S100Z: variants seen among roughly 807,000 people sequenced by gnomAD.
S100Z encodes the protein S100 calcium binding protein Z, also known as protein S100-Z.
In S100Z, 11 loss-of-function variants were observed where a neutral mutation model predicts 8.5. The ratio of observed to expected loss-of-function variants is 1.30; its 90% CI spans 0.82 to 2.15. S100Z has a LOEUF of 2.15. Ranked by LOEUF, S100Z falls within the 30% of genes most tolerant of loss-of-function variation. The probability of loss-of-function intolerance (pLI) is 0.00; values close to 1 mark genes in which losing one functional copy is unlikely to be tolerated. For missense variants in S100Z, 126 were observed against 117.9 expected (o/e 1.07, Z -0.32); for synonymous variants, 34 against 43.8 (o/e 0.78, Z 0.89).
chr5:76,857,498 A>ATTTT (rs11317478), intron 1 of S100Z, among the ~76,000 whole-genome samples: 1 of 125,320 alleles, frequency 8.0e-6, no homozygotes, highest in Non-Finnish European at 1.7e-5. Flanking sequence ...TCCTGCCCCC[A>ATTTT]TTTTTTTTTT....
At chr5:76,913,448 C>T (rs1252225932) in intron 4 of S100Z, among the ~76,000 whole-genome samples, 1 of 152,166 alleles carries the variant, frequency 6.6e-6, no homozygotes, top group East Asian at 1.9e-4. Flanking sequence ...TGTTTGCACT[C>T]AGACAAACAG....
At chr5:76,885,505 T>G (rs369037589) in intron 4 of S100Z, among the ~76,000 whole-genome samples, 142 of 10,462 alleles carry the variant, frequency 0.014, 1 homozygote, top group African/African-American at 0.034. Flanking sequence ...TAGGAACGGG[T>G]TGGGAGGTGC....
chr5:76,863,724 G>A lies in S100Z; in HGVS notation c.-175-6442G>A, dbSNP rs1380739119. 2.6e-5 allele frequency among the ~76,000 whole-genome samples: 4 copies of A among 151,884 alleles called. No individual in the cohort carries two copies. The South Asian group carries it at 6.2e-4, about 24-fold the overall frequency. ...CAGCTAATTTTTTGTATTTTTAGTA[G>A]AGACGGGGTTTCACCGTGTTAGCCA... On this transcript the variant is annotated intron_variant, in intron 1 of 4. Coordinates refer to ENST00000317593, the MANE Select transcript of S100Z (RefSeq NM_130772.4).
intron 4 of S100Z, among the ~76,000 whole-genome samples, chr5:76,883,183 G>A (rs1743476433): frequency 6.6e-6 from 1 of 152,118 alleles, no homozygotes; most frequent in Non-Finnish European, 1.5e-5. Flanking sequence ...ATGGTAAGGG[G>A]TGCATCATTT....
At chr5:76,917,557 G>A (rs543411268) in intron 4 of S100Z, among the ~76,000 whole-genome samples, 6 of 152,314 alleles carry the variant, frequency 3.9e-5, no homozygotes, top group South Asian at 2.1e-4. Flanking sequence ...GCCTGGCACA[G>A]TGGTTCACAC....
intron 4 of S100Z, among the ~76,000 whole-genome samples, chr5:76,901,907 G>T (rs924244173): frequency 2.0e-5 from 3 of 152,142 alleles, no homozygotes; most frequent in African/African-American, 7.2e-5. Context: ...GGGCCCAAGG[G>T]CTCTTTAGTT....
chr5:76,905,156 A>G (rs1359783576), intron 4 of S100Z, among the ~76,000 whole-genome samples: 1 of 152,156 alleles, frequency 6.6e-6, no homozygotes, highest in Admixed American at 6.5e-5. Context: ...TAAGATGTCA[A>G]TAGTACCAAG....
intron 1 of S100Z, among the ~76,000 whole-genome samples, chr5:76,859,768 C>CAAGAAAAAAAA (rs1750998031): frequency 1.0e-5 from 1 of 97,664 alleles, no homozygotes; most frequent in Non-Finnish European, 2.0e-5. Context: ...GCAACAGAGC[C>CAAGAAAAAAAA]AAAAAAAAAA....
intron 4 of S100Z, among the ~76,000 whole-genome samples, chr5:76,895,409 A>G (rs1326781151): frequency 6.6e-6 from 1 of 152,126 alleles, no homozygotes; most frequent in Non-Finnish European, 1.5e-5. Flanking sequence ...AAATGATAGA[A>G]ATTTGGTCAT....
the S100Z span, among the ~76,000 whole-genome samples, chr5:76,935,970 T>A: frequency 2.0e-5 from 3 of 152,114 alleles, no homozygotes; most frequent in African/African-American, 7.2e-5. Flanking sequence ...AGAGATGGGG[T>A]TTCACCATGT....
At chr5:76,911,537 G>C (rs1744660486) in intron 4 of S100Z, among the ~76,000 whole-genome samples, 1 of 152,204 alleles carries the variant, frequency 6.6e-6, no homozygotes, top group Non-Finnish European at 1.5e-5. Context: ...CTTGCCCCAA[G>C]GGTTTAGGGA....
chr5:76,850,351 A>G (rs1278097200), intron 1 of S100Z, among the ~76,000 whole-genome samples, 196 bp downstream of exon 1: 3 of 147,106 alleles, frequency 2.0e-5, no homozygotes, highest in Admixed American at 7.0e-5. Context: ...AGAGAGAGAG[A>G]GAGAGAGGGA....
intron 4 of S100Z, among the ~76,000 whole-genome samples, chr5:76,906,641 G>GT (rs70982662): frequency 0.53 from 79,294 of 149,042 alleles, 22,673 homozygotes; most frequent in Non-Finnish European, 0.65. Flanking sequence ...TTTGTTTTTT[G>GT]TTTTTTTTTG....
chr5:76,917,127 A>G (rs2150686361), intron 4 of S100Z, among the ~76,000 whole-genome samples: 2 of 150,384 alleles, frequency 1.3e-5, no homozygotes, highest in African/African-American at 4.9e-5. Flanking sequence ...CTGTCTCAAA[A>G]AAAAAAAAAA....
intron 2 of S100Z, among the ~76,000 whole-genome samples, chr5:76,874,901 T>C (rs1173452625): frequency 6.6e-6 from 1 of 152,078 alleles, no homozygotes; most frequent in Non-Finnish European, 1.5e-5. Context: ...TTTTTTTTTT[T>C]TGAGACGGCG....
chr5:76,911,363 C>T (rs1744651839), intron 4 of S100Z, among the ~76,000 whole-genome samples: 1 of 152,138 alleles, frequency 6.6e-6, no homozygotes, highest in African/African-American at 2.4e-5. Context: ...TCCAGTTGTA[C>T]CCAACCCCTA....
chr5:76,877,134 T>A (rs1743218317), intron 3 of S100Z, among the ~76,000 whole-genome samples: 1 of 152,198 alleles, frequency 6.6e-6, no homozygotes, highest in Non-Finnish European at 1.5e-5. Flanking sequence ...AAATTCAAAT[T>A]TAACTAGGTA....
chr5:76,910,518 A>T (rs1744613795), intron 4 of S100Z, among the ~76,000 whole-genome samples: 1 of 152,208 alleles, frequency 6.6e-6, no homozygotes, highest in African/African-American at 2.4e-5. Context: ...ATGGCTTGTT[A>T]TCAGTGTGGT....
chr5:76,903,764 T>C (rs1179240958), intron 4 of S100Z, among the ~76,000 whole-genome samples: 3 of 151,848 alleles, frequency 2.0e-5, no homozygotes, highest in Non-Finnish European at 4.4e-5. Context: ...CTCACTCTGT[T>C]GCCCAGGCTG....
Sources: allele counts gnomAD v4.1 joint callset (sites outside exome capture counted in the v4.1 genomes callset), GRCh38; gene constraint gnomAD v4.1.1; transcripts MANE v1.5; gene names NCBI Gene and HGNC (gene_info 2026-07-23, HGNC 2026-07-21).